Variants in LRIT1 observed in about 807,000 individuals in gnomAD.
LRIT1 encodes the protein leucine rich repeat, Ig-like and transmembrane domains 1.
In LRIT1, 23 loss-of-function variants were observed where a neutral mutation model predicts 24.0. The ratio of observed to expected loss-of-function variants is 0.96; its 90% CI spans 0.69 to 1.36. The LOEUF (loss-of-function observed/expected upper bound fraction) is 1.36. Among genes scored for constraint, LRIT1 ranks in the 40% most tolerant of loss-of-function variants. The pLI is 0.00. For missense variants in LRIT1, 846 were observed against 806.3 expected (o/e 1.05, Z -0.60); for synonymous variants, 361 against 340.5 (o/e 1.06, Z -0.66).
intron 1 of LRIT1, 84 bp downstream of exon 1, chr10:84,241,234 C>G (rs756352599): frequency 1.9e-4 from 296 of 1,593,502 alleles, no homozygotes; most frequent in Non-Finnish European, 2.4e-4. Flanking sequence ...TCACCCAGGG[C>G]CCCAGCTCCA....
chr10:84,232,117 T>C lies in LRIT1; in HGVS notation c.1682A>G (p.Asn561Ser). 2 of 1,614,198 alleles carry C rather than the reference T, an allele frequency of 1.2e-6. No homozygotes were observed. The highest frequency in any genetic ancestry group is 1.7e-6 in the Non-Finnish European group (2 of 1,180,030). The change falls in exon 4 of 4, where the codon AAC (asparagine) becomes AGC (serine). Residue 561 changes from asparagine (N) to serine (S), a missense_variant. Physicochemically the swap from Asn to Ser is conservative, Grantham distance 46 (BLOSUM62 1). Transcript: ENST00000372105. ...ALQKRCRKCFNKDSTEATVTY... is the reference protein window; with the variant it reads ...ALQKRCRKCFSKDSTEATVTY... ...AACTGTGGCCTCAGTGGAGTCCTTG[T>C]TGAAGCACTTTCGGCAGCGCTTCTG...
rs767229289 is a variant in LRIT1 at position 84,232,036 on chromosome 10, G to A, written c.1763C>T (p.Ser588Phe). 6 of 1,614,014 alleles carry A rather than the reference G, an allele frequency of 3.7e-6. No individual in the cohort carries two copies. The highest frequency in any genetic ancestry group is 5.1e-6 in the Non-Finnish European group (6 of 1,180,026). ...GTCAGCCTCGCTGACACTGTGCCGGGACAGCTCCTCCAAGCCGTCCTCGCT... is the reference window on the plus strand; with the variant it reads ...GTCAGCCTCGCTGACACTGTGCCGGAACAGCTCCTCCAAGCCGTCCTCGCT... ...GYSEDGLEEL[S>F]RHSVSEADRL... Residue 588 changes from serine (S) to phenylalanine (F), a missense_variant, in exon 4 of 4, where the codon TCC (serine) becomes TTC (phenylalanine). Ser to Phe is a radical substitution (Grantham distance 155). Transcript: ENST00000372105.
chr10:84,234,070 T>C lies in LRIT1; in HGVS notation c.895+3A>G, dbSNP rs1014801483. 2.6e-6 allele frequency: 4 copies of C among 1,527,172 alleles called. No homozygotes were observed. In the African/African-American group the frequency reaches 5.5e-5, roughly 21 times the overall value. 94.6% of individuals were successfully genotyped at this position (1,527,172 alleles called of 1,614,324 possible). A position where few individuals can be genotyped will look rare whatever the true frequency, so the allele number is the denominator to read the frequency against. On this transcript the variant is annotated splice_donor_region_variant and intron_variant, in intron 3 of 3. Coordinates refer to ENST00000372105, the MANE Select transcript of LRIT1 (RefSeq NM_015613.3). ...CAGTGCAGCATCCCTGTAGCTCACA[T>C]ACCTGTACCATTAAGGGGCCTGCCA...
In LRIT1 at chr10:84,232,796, CCAGGAAGTT is replaced by C. The variant is rs752768585; in HGVS notation, c.994_1002del (p.Asn332_Leu334del). Reference sequence around the variant, plus strand: ...AAGGAGATAACAGTTTCAGAGGCTCCCAGGAAGTTCTTGGCTTGGCAGATGTAGTCTCCG... The same window carrying C: ...AAGGAGATAACAGTTTCAGAGGCTCCCTTGGCTTGGCAGATGTAGTCTCCG... On this transcript the variant is annotated inframe_deletion, in exon 4 of 4. Coordinates refer to ENST00000372105, the MANE Select transcript of LRIT1 (RefSeq NM_015613.3). 2 of 1,613,758 alleles carry C rather than the reference CCAGGAAGTT, an allele frequency of 1.2e-6. No individual in the cohort carries two copies. The highest frequency in any genetic ancestry group is 3.3e-5 in the Admixed American group (2 of 60,024).
At chr10:84,240,606 C>A (rs1842684111) in intron 1 of LRIT1, among the ~76,000 whole-genome samples, 1 of 152,030 alleles carries the variant, frequency 6.6e-6, no homozygotes. Flanking sequence ...GTCCACAAGC[C>A]ACAGTGGCAT....
Position 84,232,896 on chromosome 10 carries a change from C to T in LRIT1, c.903G>A (p.Gln301=). 1 of 1,610,256 alleles carries T rather than the reference C, an allele frequency of 6.2e-7. No homozygotes were observed. The highest frequency in any genetic ancestry group is 8.5e-7 in the Non-Finnish European group (1 of 1,179,476). ...AGCTCGTGCCGTCACTGGAGACTTC[C>T]TGGTGCACTAGGAGGAAAACAGGCA... The part of the protein sequence containing the change: ...NGRPLNGTVH[Q]EVSSDGTSWT... The change falls in exon 4 of 4, where the codon CAG becomes CAA. Residue 301 remains glutamine (Q), a synonymous_variant. Transcript: ENST00000372105.
rs990656382 is a variant in LRIT1 at position 84,232,008 on chromosome 10, C to T, written c.1791G>A (p.Arg597=). The T allele has an allele frequency of 5.6e-6, 9 of 1,613,980 alleles. No homozygotes were observed. In the Admixed American group the frequency reaches 1.0e-4, roughly 18 times the overall value. ...LSRHSVSEAD[R]LLSARSSVDF... ...CCACACTGGAACGAGCTGAGAGAAG[C>T]CTGTCAGCCTCGCTGACACTGTGCC... The change falls in exon 4 of 4, where the codon AGG becomes AGA. Residue 597 remains arginine (R), a synonymous_variant. Coordinates refer to ENST00000372105, the MANE Select transcript of LRIT1 (RefSeq NM_015613.3).
chr10:84,231,657 C>A lies in LRIT1; in HGVS notation c.*270G>T, dbSNP rs1842596881. The A allele has an allele frequency of 1.1e-5, 5 of 459,318 alleles. No homozygotes were observed. Among genetic ancestry groups the A allele is most frequent in the Non-Finnish European group, 2.0e-5 (5 of 254,726 alleles). 28.5% of individuals were successfully genotyped at this position (459,318 alleles called of 1,614,324 possible). On this transcript the variant is annotated 3_prime_UTR_variant, in exon 4 of 4. Transcript: ENST00000372105. Reference sequence around the variant, plus strand: ...TGACTGATACAGGCAAGTTTCTTAACCCCCCACCCCAGGGAAATGGAGAGA... The same window carrying A: ...TGACTGATACAGGCAAGTTTCTTAAACCCCCACCCCAGGGAAATGGAGAGA...
At chr10:84,235,339 G>A (rs2132864499) in intron 2 of LRIT1, among the ~76,000 whole-genome samples, 1 of 152,200 alleles carries the variant, frequency 6.6e-6, no homozygotes, top group South Asian at 2.1e-4. Flanking sequence ...CATCTCACCA[G>A]TGGTTGCTGC....
chr10:84,234,121 G>C lies in LRIT1; in HGVS notation c.847C>G (p.Pro283Ala). ...TTGGCCCTCCTCCAGCTCATCTCGG[G>C]CCCAGGGACTCCAGTAGCTCCACAG... ...LRCGATGVPG[P>A]EMSWRRANGR... The change falls in exon 3 of 4, where the codon CCC becomes GCC. Residue 283 changes from proline (P) to alanine (A), a missense_variant. Transcript: ENST00000372105. The C allele has an allele frequency of 1.3e-6, 2 of 1,595,638 alleles. No homozygotes were observed. Among genetic ancestry groups the C allele is most frequent in the South Asian group, 2.3e-5 (2 of 88,366 alleles).
chr10:84,237,354 C>A lies in LRIT1; in HGVS notation c.455G>T (p.Arg152Leu). 1 of 1,550,272 alleles carries A rather than the reference C, an allele frequency of 6.5e-7. No individual in the cohort carries two copies. ...GAGGAAGGTGAGGTTCTCCAGGAAG[C>A]GCGCGGCCTCAGCGGGCACAGCCGA... ...RLSAVPAEAA[R>L]FLENLTFLDL... Residue 152 changes from arginine to leucine, a missense_variant, in exon 2 of 4, where the codon CGC (arginine) becomes CTC (leucine). Coordinates refer to ENST00000372105, the MANE Select transcript of LRIT1 (RefSeq NM_015613.3).
In LRIT1 at chr10:84,234,168, A is replaced by G; in HGVS notation, c.800T>C (p.Leu267Ser). ...HPGVASIRSL[L>S]GGTALLRCGA... The stretch of plus-strand genomic sequence containing the variant: ...ACAGCGTAGCAGTGCTGTGCCACCC[A>G]AAAGGGACCTGATGCTGGCCACTCC... The change falls in exon 3 of 4, where the codon TTG becomes TCG. Residue 267 changes from leucine to serine, a missense_variant. Leu to Ser is a moderately radical substitution (Grantham distance 145, BLOSUM62 -2). Transcript: ENST00000372105. The G allele has an allele frequency of 1.2e-6, 2 of 1,613,614 alleles. No homozygotes were observed. Among genetic ancestry groups the G allele is most frequent in the East Asian group, 2.2e-5 (1 of 44,876 alleles).
At chr10:84,233,404 G>A (rs1294852750) in intron 3 of LRIT1, among the ~76,000 whole-genome samples, 1 of 151,920 alleles carries the variant, frequency 6.6e-6, no homozygotes, top group African/African-American at 2.4e-5. Flanking sequence ...CTAGACTCCA[G>A]CAATCCTCCT....
At chr10:84,238,352 C>CA (rs34171796) in intron 1 of LRIT1, among the ~76,000 whole-genome samples, 1,260 of 121,958 alleles carry the variant, frequency 0.01, 26 homozygotes, top group Admixed American at 0.042. Context: ...AAGACTGTCT[C>CA]AAAAAAAAAA....
At position 84,232,470 on chromosome 10, in the gene LRIT1, G is replaced by T; in HGVS notation, c.1329C>A (p.Ser443Arg). Reference protein sequence around the residue: ...SVKVVGDTYHSVSLVWKAPQA... With the variant: ...SVKVVGDTYHRVSLVWKAPQA... ...GGGGTGCCTTCCACACCAAGGACAC[G>T]CTGTGGTAAGTGTCCCCCACCACCT... The change falls in exon 4 of 4, where the codon AGC (serine) becomes AGA (arginine). Residue 443 changes from serine to arginine, a missense_variant. Coordinates refer to ENST00000372105, the MANE Select transcript of LRIT1 (RefSeq NM_015613.3). 1 of 1,614,084 alleles carries T rather than the reference G, an allele frequency of 6.2e-7. No homozygotes were observed. Among genetic ancestry groups the T allele is most frequent in the Non-Finnish European group, 8.5e-7 (1 of 1,180,000 alleles).
chr10:84,241,348 A>G lies in LRIT1; in HGVS notation c.92T>C (p.Leu31Pro). 6.2e-7 allele frequency: 1 copy of G among 1,613,686 alleles called. No individual in the cohort carries two copies. The highest frequency in any genetic ancestry group is 8.5e-7 in the Non-Finnish European group (1 of 1,179,894). The change falls in exon 1 of 4, where the codon CTC becomes CCC. Residue 31 changes from leucine (L) to proline (P), a missense_variant. Physicochemically the swap from Leu to Pro is moderately conservative, Grantham distance 98. Transcript: ENST00000372105. ...GFCPSQCSCS[L>P]HIMGDGSKAR... ...CTTGCTGCCATCACCCATGATATGG[A>G]GGCTGCAGCTGCATTGAGAGGGGCA...
rs1564544749 is a variant in LRIT1 at position 84,237,588 on chromosome 10, A to G, written c.221T>C (p.Val74Ala). Residue 74 changes from valine (V) to alanine (A), a missense_variant, in exon 2 of 4, where the codon GTT becomes GCT. Val to Ala is a moderately conservative substitution (Grantham distance 64, BLOSUM62 0). Coordinates refer to ENST00000372105, the MANE Select transcript of LRIT1 (RefSeq NM_015613.3). ...CAGGGGCCTGAAGGCCTCGCCAGGAACCCTGCGTATGGCCGTCCGCTCCAG... is the reference window on the plus strand; with the variant it reads ...CAGGGGCCTGAAGGCCTCGCCAGGAGCCCTGCGTATGGCCGTCCGCTCCAG... Reference protein sequence around the residue: ...LRLERTAIRRVPGEAFRPLGR... With the variant: ...LRLERTAIRRAPGEAFRPLGR... The G allele has an allele frequency of 1.9e-6, 3 of 1,606,664 alleles. No homozygotes were observed. The highest frequency in any genetic ancestry group is 1.7e-6 in the Non-Finnish European group (2 of 1,179,776).
At chr10:84,239,018 T>C (rs571798623) in intron 1 of LRIT1, among the ~76,000 whole-genome samples, 3 of 152,368 alleles carry the variant, frequency 2.0e-5, no homozygotes, top group African/African-American at 7.2e-5. Flanking sequence ...CAGGCTTTCC[T>C]GGAGGTGCAC....
In LRIT1 at chr10:84,231,800, T is replaced by C. The variant is rs2132859811; in HGVS notation, c.*127A>G. The C allele has an allele frequency of 3.0e-6, 3 of 984,482 alleles. No homozygotes were observed. Among genetic ancestry groups the C allele is most frequent in the Non-Finnish European group, 4.4e-6 (3 of 681,154 alleles). 61.0% of individuals were successfully genotyped at this position (984,482 alleles called of 1,614,324 possible). On this transcript the variant is annotated 3_prime_UTR_variant, in exon 4 of 4. Coordinates refer to ENST00000372105, the MANE Select transcript of LRIT1 (RefSeq NM_015613.3). ...GTTGCAGTAGCAGCTGCTGCTGCTG[T>C]TGTTGTGTGTAAGTATCTGAGTAAG...
Sources: allele counts gnomAD v4.1 joint callset (sites outside exome capture counted in the v4.1 genomes callset), GRCh38; gene constraint gnomAD v4.1.1; transcripts MANE v1.5; gene names NCBI Gene and HGNC (gene_info 2026-07-23, HGNC 2026-07-21).